JMJD1C: variants seen among roughly 807,000 people sequenced by gnomAD.
The protein encoded by JMJD1C is jumonji domain-containing protein 1C.
Under a neutral mutation model 245.3 loss-of-function variants are expected in JMJD1C, and 31 were observed. The observed-to-expected ratio is 0.13, with a 90% CI of 0.09 to 0.17. JMJD1C has a LOEUF of 0.17. Among genes scored for constraint, JMJD1C ranks in the 10% least tolerant of loss-of-function variants. JMJD1C has a pLI of 1.00. For synonymous variants in JMJD1C, 1,057 were observed against 1,017.4 expected (o/e 1.04, Z -0.74); for missense variants, 2,691 against 3,000.2 (o/e 0.90, Z 2.41).
intron 2 of JMJD1C, among the ~76,000 whole-genome samples, chr10:63,296,689 T>A (rs1019162797): frequency 3.3e-5 from 5 of 152,218 alleles, no homozygotes; most frequent in Non-Finnish European, 7.3e-5. Flanking sequence ...GGAAGTGCCA[T>A]TTTGGGTTAC....
chr10:63,203,541 T>C, intron 10 of JMJD1C: 1 of 969,720 alleles, frequency 1.0e-6, no homozygotes, highest in Non-Finnish European at 1.2e-6. Context: ...TGGTTTTGTA[T>C]TGTAGAATTT....
intron 3 of JMJD1C, chr10:63,222,553 A>G (rs1848725653): frequency 2.6e-6 from 4 of 1,567,704 alleles, no homozygotes; most frequent in South Asian, 1.1e-5. Flanking sequence ...AATACTGTGA[A>G]AAACAGTTTG....
At chr10:63,183,643 A>C in intron 21 of JMJD1C, 74 bp from the exon 22 acceptor site, 1 of 853,216 alleles carries the variant, frequency 1.2e-6, no homozygotes, top group Non-Finnish European at 1.7e-6. Flanking sequence ...ATTCCCCCAA[A>C]TTAGCTCGAT....
At chr10:63,191,259 G>A in intron 16 of JMJD1C, 151 bp from the exon 17 acceptor site, 1 of 624,052 alleles carries the variant, frequency 1.6e-6, no homozygotes, top group Non-Finnish European at 2.8e-6. Context: ...AGCTTCCCAA[G>A]TAGCTGGGAC....
rs1037561776 is a variant in JMJD1C at position 63,214,552 on chromosome 10, G to C, written c.1615C>G (p.Pro539Ala). 6.2e-7 allele frequency: 1 copy of C among 1,613,662 alleles called. No individual in the cohort carries two copies. Among genetic ancestry groups the C allele is most frequent in the African/African-American group, 1.3e-5 (1 of 74,890 alleles). Residue 539 changes from proline to alanine, a missense_variant, in exon 8 of 26, where the codon CCT becomes GCT. Coordinates refer to ENST00000399262, the MANE Select transcript of JMJD1C (RefSeq NM_032776.3). ...FGLQTLQKMD[P>A]NVSDSKHSIA... ...GAGTGTTTTGAATCACTAACATTAG[G>C]ATCCATTTTCTGAAGTGTCTGAAGG...
chr10:63,247,182 T>C (rs915964585), intron 3 of JMJD1C, among the ~76,000 whole-genome samples: 5 of 148,570 alleles, frequency 3.4e-5, no homozygotes, highest in Non-Finnish European at 6.0e-5. Flanking sequence ...TTTGAAAAGA[T>C]AGATAAAATC....
At chr10:63,201,531 T>C (rs141072250) in intron 10 of JMJD1C, among the ~76,000 whole-genome samples, 1,523 of 152,290 alleles carry the variant, frequency 0.01, 9 homozygotes, top group Middle Eastern at 0.017. Flanking sequence ...TACAAGAACA[T>C]TGGCTCAAGA....
intron 10 of JMJD1C, chr10:63,204,539 C>G: frequency 2.0e-6 from 2 of 985,244 alleles, no homozygotes; most frequent in South Asian, 4.7e-5. Context: ...CACCCAACAC[C>G]AAAGGAAATG....
At chr10:63,441,217 T>C (rs1951366478) in intron 1 of JMJD1C, among the ~76,000 whole-genome samples, 1 of 152,206 alleles carries the variant, frequency 6.6e-6, no homozygotes, top group Admixed American at 6.5e-5. Flanking sequence ...TTAGACTGAA[T>C]CTTGACAGTC....
intron 3 of JMJD1C, among the ~76,000 whole-genome samples, chr10:63,220,231 C>T (rs1015764758): frequency 3.9e-5 from 6 of 152,138 alleles, no homozygotes; most frequent in Non-Finnish European, 8.8e-5. Context: ...AATGTGTTTT[C>T]TAACTTTTAA....
chr10:63,251,010 T>C (rs550741503), intron 3 of JMJD1C, among the ~76,000 whole-genome samples: 1 of 152,200 alleles, frequency 6.6e-6, no homozygotes, highest in African/African-American at 2.4e-5. Flanking sequence ...CCCAAAGCAC[T>C]AGGATTACAA....
chr10:63,247,770 T>C (rs1398969882), intron 3 of JMJD1C, among the ~76,000 whole-genome samples: 3 of 151,334 alleles, frequency 2.0e-5, no homozygotes, highest in Non-Finnish European at 4.4e-5. Context: ...TTCCCATTTC[T>C]TTTCCAAAGA....
chr10:63,489,243 T>C (rs1375453632), intron 1 of JMJD1C, among the ~76,000 whole-genome samples: 2 of 152,048 alleles, frequency 1.3e-5, no homozygotes, highest in East Asian at 1.9e-4. Context: ...CTACTAAAAG[T>C]ACAAAAATTA....
intron 1 of JMJD1C, among the ~76,000 whole-genome samples, chr10:63,490,972 C>T (rs1318012563): frequency 3.9e-5 from 6 of 152,194 alleles, no homozygotes; most frequent in African/African-American, 1.4e-4. Context: ...CTATAGATAG[C>T]TCATTTAATC....
chr10:63,261,677 T>G (rs1458548685), intron 3 of JMJD1C, among the ~76,000 whole-genome samples: 1 of 152,186 alleles, frequency 6.6e-6, no homozygotes, highest in Admixed American at 6.6e-5. Context: ...TTCAAACCAA[T>G]GACTTAAAAG....
At chr10:63,454,019 G>A (rs772300868) in intron 1 of JMJD1C, among the ~76,000 whole-genome samples, 1 of 151,830 alleles carries the variant, frequency 6.6e-6, no homozygotes, top group African/African-American at 2.4e-5. Context: ...CACTGCACCC[G>A]GCCTCCAATT....
At chr10:63,450,059 G>C (rs977246813) in intron 1 of JMJD1C, among the ~76,000 whole-genome samples, 1 of 152,154 alleles carries the variant, frequency 6.6e-6, no homozygotes, top group African/African-American at 2.4e-5. Flanking sequence ...GCTACAATGA[G>C]CTGTGATTGT....
intron 3 of JMJD1C, chr10:63,223,192 C>A: frequency 2.0e-6 from 1 of 504,338 alleles, no homozygotes; most frequent in Non-Finnish European, 3.5e-6. Flanking sequence ...ATACCTTTTC[C>A]ATAATATAGG....
intron 1 of JMJD1C, among the ~76,000 whole-genome samples, chr10:63,402,008 C>A (rs1948887109): frequency 6.6e-6 from 1 of 151,864 alleles, no homozygotes; most frequent in African/African-American, 2.4e-5. Context: ...GTGGTGCATG[C>A]CTGTAATGTC....
Sources: gnomAD v4.1 joint callset for allele counts (sites outside exome capture counted in the v4.1 genomes callset) on GRCh38, gnomAD v4.1.1 for gene constraint, MANE v1.5 for transcripts, NCBI Gene and HGNC (gene_info 2026-07-23, HGNC 2026-07-21) for gene names.